Variants in COL5A1 observed in about 807,000 individuals in gnomAD.
COL5A1 encodes collagen alpha-1(V) chain.
A neutral mutation model predicts 263.7 loss-of-function variants in COL5A1; 16 were observed. The ratio of observed to expected loss-of-function variants is 0.06; its 90% CI spans 0.04 to 0.09. The LOEUF (loss-of-function observed/expected upper bound fraction) is 0.09. COL5A1 is among the 10% of genes least tolerant of loss of function. COL5A1 has a pLI of 1.00. For missense variants in COL5A1, 2,036 were observed against 2,540.5 expected (o/e 0.80, Z 4.27); for synonymous variants, 1,012 against 1,004.5 (o/e 1.01, Z -0.14).
intron 65 of COL5A1, among the ~76,000 whole-genome samples, chr9:134,836,679 G>A (rs4532680): frequency 0.052 from 7,843 of 152,282 alleles, 243 homozygotes; most frequent in Middle Eastern, 0.099. Flanking sequence ...TTCCAATCCC[G>A]CCTCCCCCTG....
In COL5A1 at chr9:134,842,584, G is replaced by T; in HGVS notation, c.*281G>T. The T allele has an allele frequency of 1.8e-6, 1 of 551,472 alleles. No homozygotes were observed. The highest frequency in any genetic ancestry group is 1.9e-5 in the African/African-American group (1 of 52,858). The allele number at this position is 551,472 out of a possible 1,614,324, so 34.2% of individuals were successfully genotyped here. A position where few individuals can be genotyped will look rare whatever the true frequency, so the allele number is the denominator to read the frequency against. On this transcript the variant is annotated 3_prime_UTR_variant, in exon 66 of 66. Transcript: ENST00000371817. The surrounding 1 kb of genome is among the most constrained non-coding windows in gnomAD (Gnocchi z 5.8). ...GTCCACACCCACGCGCCCCGGGAGCGGGGCCATGCCTCCAGCCCCCCAGCT... is the reference window on the plus strand; with the variant it reads ...GTCCACACCCACGCGCCCCGGGAGCTGGGCCATGCCTCCAGCCCCCCAGCT...
At chr9:134,671,735 C>T (rs1832544522) in intron 1 of COL5A1, among the ~76,000 whole-genome samples, 1 of 152,226 alleles carries the variant, frequency 6.6e-6, no homozygotes, top group Admixed American at 6.5e-5. Flanking sequence ...TTAGCTTCCT[C>T]TATCACGTTG....
intron 11 of COL5A1, among the ~76,000 whole-genome samples, chr9:134,743,092 G>T (rs915671048): frequency 1.3e-5 from 2 of 152,202 alleles, no homozygotes; most frequent in African/African-American, 4.8e-5. Context: ...TTGTGCCTAA[G>T]AAATGTTCCC....
At chr9:134,744,859 A>T (rs184528023) in intron 11 of COL5A1, among the ~76,000 whole-genome samples, 214 of 148,606 alleles carry the variant, frequency 1.4e-3, no homozygotes, top group African/African-American at 5.0e-3. Flanking sequence ...ATGCACACAC[A>T]TTTACACACA....
At chr9:134,714,909 G>A (rs1834209979) in intron 4 of COL5A1, among the ~76,000 whole-genome samples, 1 of 151,846 alleles carries the variant, frequency 6.6e-6, no homozygotes, top group South Asian at 2.1e-4. Flanking sequence ...TGGTGGAGGT[G>A]ATTGTGGTGG....
chr9:134,715,534 A>G (rs942516678), intron 4 of COL5A1, among the ~76,000 whole-genome samples: 6 of 152,196 alleles, frequency 3.9e-5, no homozygotes, highest in African/African-American at 1.4e-4. Flanking sequence ...ATTTCAGACT[A>G]TCACACGGGG....
rs532822963 is a variant in COL5A1 at position 134,816,438 on chromosome 9, C to T, written c.4122+450C>T. ...TCAAGCCCAGAACGTCTTTCTGGGA[C>T]GGATCGACCCCCATGGGCCCTGGGC... On this transcript the variant is annotated intron_variant, in intron 52 of 65. Transcript: ENST00000371817. Among the ~76,000 whole-genome samples, 11 of 152,378 alleles carry T rather than the reference C, an allele frequency of 7.2e-5. 1 individual carries two copies. The Middle Eastern group carries it at 0.014, about 188-fold the overall frequency.
rs756283458 is a variant in COL5A1, at chr9:134,680,122, G to A, written c.110-10790G>A. Among the ~76,000 whole-genome samples, 1 of 152,128 alleles carries A rather than the reference G, an allele frequency of 6.6e-6. No homozygotes were observed. Among genetic ancestry groups the A allele is most frequent in the Non-Finnish European group, 1.5e-5 (1 of 68,012 alleles). ...ATCTTCAGGAAGGACTACCCCGGAG[G>A]CCCTTTGGACGGGCCCTTCATTCTT... On this transcript the variant is annotated intron_variant, in intron 1 of 65. Transcript: ENST00000371817. This position sits in a 1 kb window ranked among gnomAD's most constrained non-coding sequence, Gnocchi z 5.9.
intron 8 of COL5A1, 35 bp downstream of exon 8, chr9:134,731,698 T>TG: frequency 6.3e-7 from 1 of 1,585,504 alleles, no homozygotes; most frequent in East Asian, 2.2e-5. Flanking sequence ...CGGGTGGGGT[T>TG]GGGGGGCTGG....
chr9:134,777,583 G>A (rs899555970), intron 27 of COL5A1, among the ~76,000 whole-genome samples: 6 of 152,086 alleles, frequency 3.9e-5, no homozygotes, highest in Non-Finnish European at 8.8e-5. Context: ...AGGAGGCTGC[G>A]GCTGGTTCTG....
At chr9:134,784,501 G>A (rs1459242423) in intron 29 of COL5A1, among the ~76,000 whole-genome samples, 4 of 152,222 alleles carry the variant, frequency 2.6e-5, no homozygotes, top group East Asian at 1.9e-4. Context: ...TTCCTGGGAC[G>A]CCTCCTGAGG....
rs1837815588 is a variant in COL5A1, at chr9:134,794,209, A to T, written c.2701-873A>T. On this transcript the variant is annotated intron_variant, in intron 32 of 65. Transcript: ENST00000371817. The surrounding 1 kb of genome is among the most constrained non-coding windows in gnomAD (Gnocchi z 4.3). ...GCACACACCTGTAGTCTGTCCCAGC[A>T]ACTCAGGAGGCTGAGGCAGGAGAAT... Among the ~76,000 whole-genome samples the T allele has an allele frequency of 6.6e-6, 1 of 152,106 alleles. No individual in the cohort carries two copies. Among genetic ancestry groups the T allele is most frequent in the African/African-American group, 2.4e-5 (1 of 41,430 alleles).
intron 36 of COL5A1, 97 bp from the exon 37 acceptor site, chr9:134,798,311 G>A (rs1045808469): frequency 4.1e-5 from 46 of 1,110,368 alleles, no homozygotes; most frequent in Non-Finnish European, 4.8e-5. Context: ...AGGGGCAGGA[G>A]CCATGGAAAT....
intron 58 of COL5A1, among the ~76,000 whole-genome samples, chr9:134,820,742 CTGAG>C (rs1838961476): frequency 6.6e-6 from 1 of 152,168 alleles, no homozygotes; most frequent in Non-Finnish European, 1.5e-5. Context: ...TCCCACAACT[CTGAG>C]TGACTTGGAA....
At chr9:134,725,855 C>T (rs906140181) in intron 4 of COL5A1, among the ~76,000 whole-genome samples, 3 of 152,170 alleles carry the variant, frequency 2.0e-5, no homozygotes, top group Non-Finnish European at 4.4e-5. Context: ...ATTTAGCTGT[C>T]GGTAGACATG....
intron 2 of COL5A1, among the ~76,000 whole-genome samples, chr9:134,697,448 C>A (rs1458661151): frequency 6.6e-6 from 1 of 152,088 alleles, no homozygotes. Context: ...CATGAGTGTG[C>A]GCAACTCGTT....
intron 43 of COL5A1, among the ~76,000 whole-genome samples, chr9:134,809,914 A>G (rs1242255375): frequency 1.3e-5 from 2 of 152,174 alleles, no homozygotes; most frequent in Non-Finnish European, 2.9e-5. Context: ...AGAGGATTTT[A>G]ATAACTTCTT....
At chr9:134,839,252 G>T (rs1839944440) in intron 65 of COL5A1, among the ~76,000 whole-genome samples, 1 of 152,240 alleles carries the variant, frequency 6.6e-6, no homozygotes, top group Admixed American at 6.5e-5. Flanking sequence ...TGGTGTTTGT[G>T]CAGCTTTCGG....
Position 134,809,244 on chromosome 9 carries a change from C to G in COL5A1, c.3428C>G (p.Pro1143Arg), listed in dbSNP as rs540131206. Residue 1143 changes from proline (P) to arginine (R), a missense_variant, in exon 43 of 66, where the codon CCG (proline) becomes CGG (arginine). This residue lies in a region of COL5A1 where 1,078 missense variants were observed against 1,521.4 expected (regional missense o/e 0.71). Transcript: ENST00000371817. Reference sequence around the variant, plus strand: ...GGTCTCCAGGGGCCTGTGGGGCTCCCGGGTCCAGCTGGCCCTGTGGGTCCC... The same window carrying G: ...GGTCTCCAGGGGCCTGTGGGGCTCCGGGGTCCAGCTGGCCCTGTGGGTCCC... ...RDGLQGPVGL[P>R]GPAGPVGPPG... 3.1e-6 allele frequency: 5 copies of G among 1,608,164 alleles called. No homozygotes were observed. Among genetic ancestry groups the G allele is most frequent in the Non-Finnish European group, 4.2e-6 (5 of 1,177,838 alleles).
Sources: gnomAD v4.1 joint callset for allele counts (sites outside exome capture counted in the v4.1 genomes callset) on GRCh38, gnomAD v4.1.1 for gene constraint, gnomAD v4.1.1 regional missense constraint, Gnocchi (gnomAD v3.1) non-coding constraint, MANE v1.5 for transcripts, NCBI Gene and HGNC (gene_info 2026-07-23, HGNC 2026-07-21) for gene names.